Variants in POU2F3 observed in about 807,000 individuals in gnomAD.
POU2F3 encodes the protein POU domain, class 2, transcription factor 3.
A neutral mutation model predicts 59.2 loss-of-function variants in POU2F3; 23 were observed. The ratio of observed to expected loss-of-function variants is 0.39; its 90% confidence interval spans 0.28 to 0.55. The LOEUF (loss-of-function observed/expected upper bound fraction) is 0.55. Among genes scored for constraint, POU2F3 ranks in the 20% least tolerant of loss-of-function variants. The pLI, the probability that POU2F3 is intolerant of heterozygous loss-of-function variation, is 0.66. For synonymous variants in POU2F3, 190 were observed against 214.6 expected (o/e 0.89, Z 1.00); for missense variants, 473 against 544.5 (o/e 0.87, Z 1.31).
In POU2F3 at chr11:120,283,772, CGTGTGT is replaced by C. The variant is rs36099803; in HGVS notation, c.133-14450_133-14445del. Among the ~76,000 whole-genome samples the C allele has an allele frequency of 2.9e-3, 377 of 130,442 alleles. 1 individual carries two copies. The highest frequency in any genetic ancestry group is 7.1e-3 in the Admixed American group (93 of 13,108). The allele number at this position is 130,442 out of a possible 152,430, so 85.6% of individuals were successfully genotyped here. Reference sequence around the variant, plus strand: ...TCCACCTGTGTGCCTTAATAGGCTTCGTGTGTGTGTGTGTGTGTGTGTGTGTGTGTG... The same window carrying C: ...TCCACCTGTGTGCCTTAATAGGCTTCGTGTGTGTGTGTGTGTGTGTGTGTG... On this transcript the variant is annotated intron_variant, in intron 3 of 12. Transcript: ENST00000543440.
chr11:120,310,625 A>T (rs952963946), intron 10 of POU2F3, among the ~76,000 whole-genome samples: 1 of 151,944 alleles, frequency 6.6e-6, no homozygotes, highest in Non-Finnish European at 1.5e-5. Context: ...TTCTCTGGGG[A>T]TGGTGATGGT....
intron 2 of POU2F3, chr11:120,265,253 T>C (rs1939779417): frequency 6.6e-6 from 1 of 152,254 alleles, no homozygotes. Flanking sequence ...CAGTAGACTA[T>C]GTCCCTATGT....
rs906899905 is a variant in POU2F3 at position 120,285,088 on chromosome 11, G to A, written c.133-13177G>A. Among the ~76,000 whole-genome samples, 2 of 152,188 alleles carry A rather than the reference G, an allele frequency of 1.3e-5. No individual in the cohort carries two copies. The highest frequency in any genetic ancestry group is 2.9e-5 in the Non-Finnish European group (2 of 68,038). ...ATTTAGTGCACGTAATGAAACGAAG[G>A]TCAGAGTCGGTGATGTTAGTTACTT... On this transcript the variant is annotated intron_variant, in intron 3 of 12. Coordinates refer to ENST00000543440, the MANE Select transcript of POU2F3 (RefSeq NM_014352.4). The surrounding 1 kb of genome is among the most constrained non-coding windows in gnomAD (Gnocchi z 4.3).
intron 5 of POU2F3, among the ~76,000 whole-genome samples, chr11:120,300,004 G>A (rs947526216): frequency 3.3e-5 from 5 of 152,192 alleles, no homozygotes; most frequent in African/African-American, 1.2e-4. Context: ...AGGTGCAGGC[G>A]TGGAGCAGAG....
chr11:120,238,712 TAGTCTCAGCCACTC>T (rs1357568317), upstream of POU2F3, among the ~76,000 whole-genome samples: 42 of 150,604 alleles, frequency 2.8e-4, no homozygotes, highest in Middle Eastern at 3.4e-3. Context: ...CACGTGCTTA[TAGTCTCAGCCACTC>T]AGGAGGCTGA....
chr11:120,251,967 T>C (rs905157151), intron 2 of POU2F3, among the ~76,000 whole-genome samples: 8 of 151,774 alleles, frequency 5.3e-5, no homozygotes, highest in Non-Finnish European at 1.5e-5. Context: ...GCTAATTTTT[T>C]GTATTTTTAG....
intron 3 of POU2F3, among the ~76,000 whole-genome samples, chr11:120,286,884 G>A (rs1472003379): frequency 6.6e-6 from 1 of 151,960 alleles, no homozygotes; most frequent in East Asian, 1.9e-4. Flanking sequence ...CTCATGCAGA[G>A]ATGTAATAAG....
chr11:120,289,966 G>T (rs1028578779), intron 3 of POU2F3, among the ~76,000 whole-genome samples: 3 of 152,138 alleles, frequency 2.0e-5, no homozygotes, highest in Non-Finnish European at 4.4e-5. Context: ...GTGCCTTTTG[G>T]TATACAGTAG....
Position 120,305,629 on chromosome 11 carries a change from G to A in POU2F3, c.628-15G>A. 1.2e-6 allele frequency: 2 copies of A among 1,612,932 alleles called. No homozygotes were observed. The highest frequency in any genetic ancestry group is 1.7e-6 in the Non-Finnish European group (2 of 1,179,598). Reference sequence around the variant, plus strand: ...GCTGCCTCTCATGTTCCTCCCCCTCGGTCCCCACGCTTAGGGAGATGTGGG... The same window carrying A: ...GCTGCCTCTCATGTTCCTCCCCCTCAGTCCCCACGCTTAGGGAGATGTGGG... On this transcript the variant is annotated splice_polypyrimidine_tract_variant and intron_variant, in intron 7 of 12. Coordinates refer to ENST00000543440, the MANE Select transcript of POU2F3 (RefSeq NM_014352.4).
At position 120,319,082 on chromosome 11, in the gene POU2F3, C is replaced by T. The variant is rs566000377; in HGVS notation, c.*690C>T. 1 of 152,844 alleles carries T rather than the reference C, an allele frequency of 6.5e-6. No homozygotes were observed. The highest frequency in any genetic ancestry group is 1.9e-4 in the East Asian group (1 of 5,182). The allele number at this position is 152,844 out of a possible 1,614,324, so 9.5% of individuals were successfully genotyped here. On this transcript the variant is annotated 3_prime_UTR_variant, in exon 13 of 13. Transcript: ENST00000543440. ...GCATGTTGCAACGCCTGCTGGTGCC[C>T]TTCTGTCTGTCCACGTCTGCCTAGG... is the stretch of plus-strand genomic sequence containing the variant.
upstream of POU2F3, chr11:120,236,734 C>T (rs549510549): frequency 2.3e-4 from 327 of 1,450,718 alleles, no homozygotes; most frequent in Non-Finnish European, 2.9e-4. Flanking sequence ...CGTTCCCATT[C>T]TAGCTCATCT....
intron 3 of POU2F3, among the ~76,000 whole-genome samples, chr11:120,270,780 C>T (rs1940033744): frequency 6.6e-6 from 1 of 152,152 alleles, no homozygotes; most frequent in African/African-American, 2.4e-5. Context: ...GCAGCCTTGA[C>T]TTCTGGGGCT....
intron 3 of POU2F3, 115 bp downstream of exon 3, chr11:120,269,359 C>T: frequency 2.3e-6 from 2 of 875,076 alleles, no homozygotes; most frequent in Non-Finnish European, 3.6e-6. Context: ...TATTCACAAA[C>T]CCCAACCTTT....
intron 1 of POU2F3, among the ~76,000 whole-genome samples, chr11:120,241,358 C>T (rs1263747009): frequency 6.6e-6 from 1 of 152,164 alleles, no homozygotes; most frequent in Admixed American, 6.5e-5. Context: ...CAGACCCACC[C>T]CAAGAAGCAG....
At chr11:120,303,229 C>G (rs1472825676) in intron 6 of POU2F3, 1 of 144,680 alleles carries the variant, frequency 6.9e-6, no homozygotes, top group Non-Finnish European at 1.5e-5. Context: ...AATGGGGACA[C>G]CAGCATCATA....
intron 2 of POU2F3, among the ~76,000 whole-genome samples, chr11:120,267,866 G>A (rs544711673): frequency 6.4e-5 from 6 of 93,382 alleles, no homozygotes; most frequent in East Asian, 2.0e-3. Context: ...TGAGGGTACC[G>A]TATTTAGTAA....
intron 3 of POU2F3, among the ~76,000 whole-genome samples, chr11:120,275,370 C>T (rs921920896): frequency 1.3e-5 from 2 of 152,104 alleles, no homozygotes; most frequent in Admixed American, 6.5e-5. Flanking sequence ...CAGGGCACAG[C>T]TGTCCTTGCC....
At chr11:120,290,022 C>T (rs769154071) in intron 3 of POU2F3, among the ~76,000 whole-genome samples, 3 of 152,134 alleles carry the variant, frequency 2.0e-5, no homozygotes, top group African/African-American at 7.2e-5. Context: ...GGAAGGGGAA[C>T]CTTTATAGGG....
chr11:120,251,387 T>C (rs1276487531), intron 2 of POU2F3, among the ~76,000 whole-genome samples: 1 of 152,248 alleles, frequency 6.6e-6, no homozygotes, highest in Non-Finnish European at 1.5e-5. Context: ...GTCTGAACTG[T>C]ATTTGTATGA....
Sources: allele counts gnomAD v4.1 joint callset (sites outside exome capture counted in the v4.1 genomes callset), GRCh38; gene constraint gnomAD v4.1.1; non-coding constraint Gnocchi (gnomAD v3.1); transcripts MANE v1.5; gene names NCBI Gene and HGNC (gene_info 2026-07-23, HGNC 2026-07-21).